The following ELAPOR2 variants were observed in gnomAD, a reference collection of about 807,000 sequenced individuals.
The protein encoded by ELAPOR2 is endosome/lysosome-associated apoptosis and autophagy regulator family member 2.
Under a neutral mutation model 120.7 loss-of-function variants are expected in ELAPOR2, and 89 were observed. The ratio of observed to expected loss-of-function variants is 0.74; its 90% CI spans 0.62 to 0.88. The LOEUF is 0.88. Among genes scored for constraint, ELAPOR2 ranks in the 40% least tolerant of loss-of-function variants. The pLI is 0.00. For missense variants in ELAPOR2, 1,134 were observed against 1,251.6 expected (o/e 0.91, Z 1.42); for synonymous variants, 444 against 444.9 (o/e 1.00, Z 0.03).
At chr7:87,016,835 A>G (rs993099478) in intron 1 of ELAPOR2, among the ~76,000 whole-genome samples, 15 of 152,048 alleles carry the variant, frequency 9.9e-5, no homozygotes, top group Admixed American at 6.6e-5. Context: ...GCAGCACCCA[A>G]AGTAAAAAGT....
At chr7:87,055,278 G>A (rs1795226445) in intron 1 of ELAPOR2, among the ~76,000 whole-genome samples, 1 of 152,118 alleles carries the variant, frequency 6.6e-6, no homozygotes, top group African/African-American at 2.4e-5. Context: ...CTCTAATCAA[G>A]TTAGAACATT....
intron 1 of ELAPOR2, among the ~76,000 whole-genome samples, chr7:86,982,562 A>G (rs1347781536): frequency 6.6e-6 from 1 of 152,258 alleles, no homozygotes; most frequent in South Asian, 2.1e-4. Context: ...GTGGACATAC[A>G]GCAAACTCCA....
chr7:87,033,259 C>T (rs910000959), intron 1 of ELAPOR2, among the ~76,000 whole-genome samples: 1 of 152,184 alleles, frequency 6.6e-6, no homozygotes, highest in East Asian at 1.9e-4. Flanking sequence ...TCTCTGAAAG[C>T]AGAGGCATGG....
At chr7:86,945,803 A>G (rs1420728983) in intron 3 of ELAPOR2, among the ~76,000 whole-genome samples, 1 of 152,174 alleles carries the variant, frequency 6.6e-6, no homozygotes, top group Non-Finnish European at 1.5e-5. Context: ...GAAAAAAATA[A>G]TAAATTGTAT....
intron 18 of ELAPOR2, among the ~76,000 whole-genome samples, chr7:86,907,055 C>T (rs146887855): frequency 4.3e-4 from 65 of 152,138 alleles, no homozygotes; most frequent in African/African-American, 1.5e-3. Context: ...GTTTTCCCAT[C>T]CAAAGCGAAC....
intron 1 of ELAPOR2, among the ~76,000 whole-genome samples, chr7:87,051,721 T>A (rs891776730): frequency 3.3e-5 from 5 of 152,234 alleles, no homozygotes; most frequent in African/African-American, 1.2e-4. Context: ...ACTTTGCAGC[T>A]GGACCAAAAT....
chr7:86,903,618 G>C (rs1788822729), intron 18 of ELAPOR2, among the ~76,000 whole-genome samples: 1 of 152,118 alleles, frequency 6.6e-6, no homozygotes, highest in Non-Finnish European at 1.5e-5. Flanking sequence ...CTCTAAATTG[G>C]AATCTGTGAA....
rs1016244548 is a variant in ELAPOR2, at chr7:86,878,182, C to T, written c.*2289G>A. ...AACATGATTAATTTATTCCTTTCAA[C>T]ATTTCACTGAGCTTTGCAAAGGCCA... On this transcript the variant is annotated 3_prime_UTR_variant, in exon 22 of 22. Transcript: ENST00000450689. 2 of 152,114 alleles carry T rather than the reference C, an allele frequency of 1.3e-5. No homozygotes were observed. The highest frequency in any genetic ancestry group is 2.9e-5 in the Non-Finnish European group (2 of 68,018). 9.4% of individuals were successfully genotyped at this position (152,114 alleles called of 1,614,324 possible).
chr7:86,911,933 G>T, intron 15 of ELAPOR2, 139 bp downstream of exon 15: 1 of 862,734 alleles, frequency 1.2e-6, no homozygotes. Flanking sequence ...GGCAGCAATA[G>T]AGGATCTAAG....
intron 1 of ELAPOR2, among the ~76,000 whole-genome samples, chr7:87,035,794 C>T (rs1794567575): frequency 6.6e-6 from 1 of 152,174 alleles, no homozygotes; most frequent in African/African-American, 2.4e-5. Flanking sequence ...TATGCTTGAA[C>T]ATCTGATTTT....
Position 86,889,040 on chromosome 7 carries a change from T to C in ELAPOR2, c.3030+2684A>G, listed in dbSNP as rs78044641. On this transcript the variant is annotated intron_variant, in intron 21 of 21. Coordinates refer to ENST00000450689, the MANE Select transcript of ELAPOR2 (RefSeq NM_001142749.3). ...AGAGATCTTCAACTGTTTAGGAAAATACCCCTACTGTTATGGATGTTAGAA... is the reference window on the plus strand; with the variant it reads ...AGAGATCTTCAACTGTTTAGGAAAACACCCCTACTGTTATGGATGTTAGAA... Among the ~76,000 whole-genome samples, 868 of 152,180 alleles carry C rather than the reference T, an allele frequency of 5.7e-3. 11 individuals are homozygous for C. Among genetic ancestry groups the C allele is most frequent in the African/African-American group, 0.019 (806 of 41,536 alleles).
intron 18 of ELAPOR2, among the ~76,000 whole-genome samples, chr7:86,905,276 T>A (rs2116004567): frequency 6.6e-6 from 1 of 150,428 alleles, no homozygotes; most frequent in East Asian, 1.9e-4. Flanking sequence ...ATGTTGACTT[T>A]TTTTTTTTTT....
chr7:86,881,910 C>T (rs1004311430), intron 21 of ELAPOR2, among the ~76,000 whole-genome samples: 10 of 152,132 alleles, frequency 6.6e-5, no homozygotes, highest in Non-Finnish European at 1.0e-4. Context: ...AATAGGAAGT[C>T]GACATTGAGT....
chr7:86,934,869 T>C lies in ELAPOR2; in HGVS notation c.1089+3257A>G, dbSNP rs1352149612. 3.3e-5 allele frequency among the ~76,000 whole-genome samples: 5 copies of C among 151,958 alleles called. No homozygotes were observed. The South Asian group carries it at 1.0e-3, about 32-fold the overall frequency. ...CCTCCAGACCTTCTCTCTAACCAAA[T>C]AGTACCTCTACCAACCCACCTTTAA... On this transcript the variant is annotated intron_variant, in intron 8 of 21. Coordinates refer to ENST00000450689, the MANE Select transcript of ELAPOR2 (RefSeq NM_001142749.3).
At chr7:86,881,369 T>C (rs1382200524) in intron 21 of ELAPOR2, among the ~76,000 whole-genome samples, 3 of 151,592 alleles carry the variant, frequency 2.0e-5, no homozygotes, top group Non-Finnish European at 4.4e-5. Flanking sequence ...TTTTTTTTTT[T>C]TTTTGAGTCA....
At chr7:86,889,340 C>T (rs150825869) in intron 21 of ELAPOR2, among the ~76,000 whole-genome samples, 87 of 152,076 alleles carry the variant, frequency 5.7e-4, no homozygotes, top group Middle Eastern at 3.4e-3. Flanking sequence ...TTACTGCTCA[C>T]CAAGTGTGTG....
At chr7:86,920,174 T>C (rs1451190424) in intron 10 of ELAPOR2, among the ~76,000 whole-genome samples, 1 of 152,140 alleles carries the variant, frequency 6.6e-6, no homozygotes, top group Non-Finnish European at 1.5e-5. Flanking sequence ...CAACAATTTA[T>C]ACAGAGATGA....
chr7:86,991,098 T>C (rs1205334480), intron 1 of ELAPOR2, among the ~76,000 whole-genome samples: 1 of 152,220 alleles, frequency 6.6e-6, no homozygotes, highest in Non-Finnish European at 1.5e-5. Flanking sequence ...TTTATAAATG[T>C]ATATTTATAT....
intron 1 of ELAPOR2, among the ~76,000 whole-genome samples, chr7:87,018,637 A>G (rs1223044203): frequency 6.6e-6 from 1 of 152,228 alleles, no homozygotes; most frequent in Non-Finnish European, 1.5e-5. Context: ...CGAAAGTTCA[A>G]TGCAAGTTAT....
Sources: allele counts gnomAD v4.1 joint callset (sites outside exome capture counted in the v4.1 genomes callset), GRCh38; gene constraint gnomAD v4.1.1; transcripts MANE v1.5; gene names NCBI Gene and HGNC (gene_info 2026-07-23, HGNC 2026-07-21).